The following CELF4 variants were observed in gnomAD, a reference collection of about 807,000 sequenced individuals.
The protein encoded by CELF4 is CUG-BP- and ETR-3-like factor 4.
CELF4 carries 18 observed loss-of-function variants against 59.9 expected under a neutral mutation model. The observed-to-expected ratio is 0.30, with a 90% CI of 0.21 to 0.45. The LOEUF is 0.45. CELF4 is among the 20% of genes least tolerant of loss of function. The pLI is 1.00. For missense variants in CELF4, 456 were observed against 689.0 expected (o/e 0.66, Z 3.79); for synonymous variants, 261 against 267.1 (o/e 0.98, Z 0.22).
rs2066963895 is a variant in CELF4, at chr18:37,253,621, G to A, written c.*44+146C>T. On this transcript the variant is annotated intron_variant, in intron 12 of 12. Transcript: ENST00000420428. This position sits in a 1 kb window ranked among gnomAD's most constrained non-coding sequence, Gnocchi z 4.5. ...GTGACGGCAGCTCTGCGCCTGGCCC[G>A]AGGAGCAGGGCGAGGAGCAGGTTGA... The A allele has an allele frequency of 7.1e-6, 4 of 562,826 alleles. No homozygotes were observed. The highest frequency in any genetic ancestry group is 3.5e-5 in the East Asian group (1 of 28,678). 34.9% of individuals were successfully genotyped at this position (562,826 alleles called of 1,614,324 possible). A position where few individuals can be genotyped will look rare whatever the true frequency, so the allele number is the denominator to read the frequency against.
intron 2 of CELF4, among the ~76,000 whole-genome samples, chr18:37,354,808 T>C (rs1480182829): frequency 6.6e-6 from 1 of 152,222 alleles, no homozygotes; most frequent in Non-Finnish European, 1.5e-5. Flanking sequence ...TTGATGAACC[T>C]GTTTGCAAAA....
At chr18:37,445,579 G>A (rs1466228138) in intron 2 of CELF4, among the ~76,000 whole-genome samples, 1 of 152,070 alleles carries the variant, frequency 6.6e-6, no homozygotes, top group Non-Finnish European at 1.5e-5. Context: ...AAGCAGAGGA[G>A]GGGGGAGCAG....
intron 1 of CELF4, among the ~76,000 whole-genome samples, chr18:37,502,079 C>T (rs907170343): frequency 6.6e-6 from 1 of 152,136 alleles, no homozygotes; most frequent in Non-Finnish European, 1.5e-5. Context: ...CCGTGAACCT[C>T]GAGCCACTGA....
intron 2 of CELF4, among the ~76,000 whole-genome samples, chr18:37,464,832 T>C (rs2099803571): frequency 6.6e-6 from 1 of 152,206 alleles, no homozygotes; most frequent in African/African-American, 2.4e-5. Flanking sequence ...ACACTGGCAA[T>C]GCTGCCCGAA....
chr18:37,395,137 G>A (rs191454150), intron 2 of CELF4, among the ~76,000 whole-genome samples: 158 of 152,144 alleles, frequency 1.0e-3, no homozygotes, highest in African/African-American at 3.6e-3. Context: ...ATGTCACCTC[G>A]TCTATGCCAT....
At chr18:37,537,701 C>T (rs1022079454) in intron 1 of CELF4, among the ~76,000 whole-genome samples, 2 of 152,190 alleles carry the variant, frequency 1.3e-5, no homozygotes, top group African/African-American at 2.4e-5. Flanking sequence ...ATGGAGACAC[C>T]CCTCCCTTTG....
At chr18:37,466,307 G>A (rs979163932) in intron 2 of CELF4, among the ~76,000 whole-genome samples, 13 of 152,104 alleles carry the variant, frequency 8.5e-5, no homozygotes, top group Non-Finnish European at 1.5e-4. Flanking sequence ...GAGTTTGGGA[G>A]AAGTGAGGGG....
intron 10 of CELF4, among the ~76,000 whole-genome samples, chr18:37,261,224 C>A (rs1376173683): frequency 6.6e-6 from 1 of 151,522 alleles, no homozygotes; most frequent in Admixed American, 6.6e-5. Context: ...TGTCCTCCTG[C>A]CCAGCCCCCT....
chr18:37,390,279 A>G (rs1018324619), intron 2 of CELF4, among the ~76,000 whole-genome samples: 1 of 152,118 alleles, frequency 6.6e-6, no homozygotes, highest in African/African-American at 2.4e-5. Flanking sequence ...TCTCGGTTCC[A>G]GGACGCCCCC....
intron 2 of CELF4, among the ~76,000 whole-genome samples, chr18:37,388,698 C>G (rs963221323): frequency 6.6e-6 from 1 of 152,130 alleles, no homozygotes; most frequent in Non-Finnish European, 1.5e-5. Flanking sequence ...GAGGGAGAAG[C>G]CAAAAAGTCC....
chr18:37,368,610 T>C (rs541492385), intron 2 of CELF4, among the ~76,000 whole-genome samples: 38 of 152,220 alleles, frequency 2.5e-4, no homozygotes, highest in Non-Finnish European at 5.1e-4. Flanking sequence ...TTCCTCCTTC[T>C]CTGTGTTGGC....
At chr18:37,318,825 G>A (rs2096968770) in intron 3 of CELF4, among the ~76,000 whole-genome samples, 2 of 152,194 alleles carry the variant, frequency 1.3e-5, no homozygotes, top group Admixed American at 6.5e-5. Flanking sequence ...TTGCTGGGCA[G>A]AGGGGATTCC....
intron 2 of CELF4, among the ~76,000 whole-genome samples, chr18:37,324,955 G>C (rs187577606): frequency 1.3e-5 from 2 of 152,300 alleles, no homozygotes; most frequent in East Asian, 3.9e-4. Context: ...ACTCATTTAA[G>C]AGATGCTGGG....
chr18:37,322,006 A>G (rs2097140635), intron 2 of CELF4, 125 bp from the exon 3 acceptor site: 2 of 640,202 alleles, frequency 3.1e-6, no homozygotes, highest in Non-Finnish European at 2.6e-6. Context: ...CGCTCCCACA[A>G]CATGCTGCTG....
intron 3 of CELF4, among the ~76,000 whole-genome samples, chr18:37,285,860 G>T (rs75736090): frequency 1.3e-5 from 2 of 152,112 alleles, no homozygotes; most frequent in Non-Finnish European, 2.9e-5. Flanking sequence ...CTTACCAGGC[G>T]CACGGCACAC....
chr18:37,333,664 C>T (rs1603553670), intron 2 of CELF4, among the ~76,000 whole-genome samples: 1 of 151,812 alleles, frequency 6.6e-6, no homozygotes, highest in Admixed American at 6.6e-5. Flanking sequence ...CCTGCCCCAG[C>T]TCTGCCCTCT....
intron 2 of CELF4, among the ~76,000 whole-genome samples, chr18:37,352,073 A>T (rs373022139): frequency 7.2e-4 from 109 of 152,320 alleles, no homozygotes; most frequent in African/African-American, 2.5e-3. Flanking sequence ...TAAACGAGGG[A>T]TGCATGCAAT....
chr18:37,296,708 G>A lies in CELF4; in HGVS notation c.449-21465C>T, dbSNP rs188580764. Among the ~76,000 whole-genome samples, 21 of 152,252 alleles carry A rather than the reference G, an allele frequency of 1.4e-4. No homozygotes were observed. In the East Asian group the frequency reaches 3.1e-3, roughly 22 times the overall value. On this transcript the variant is annotated intron_variant, in intron 3 of 12. Transcript: ENST00000420428. ...TGGCAGTCCTCCCCAATCTTGAAAC[G>A]CTAACAGCCCTGCCTGTTGCTCCAG...
At chr18:37,335,685 C>T (rs937213215) in intron 2 of CELF4, among the ~76,000 whole-genome samples, 2 of 152,002 alleles carry the variant, frequency 1.3e-5, no homozygotes, top group Non-Finnish European at 2.9e-5. Flanking sequence ...AGGTCCTCCT[C>T]GACCCCTGAA....
Sources: gnomAD v4.1 joint callset for allele counts (sites outside exome capture counted in the v4.1 genomes callset) on GRCh38, gnomAD v4.1.1 for gene constraint, Gnocchi (gnomAD v3.1) non-coding constraint, MANE v1.5 for transcripts, NCBI Gene and HGNC (gene_info 2026-07-23, HGNC 2026-07-21) for gene names.